KLF8: variants seen among roughly 807,000 people sequenced by gnomAD.
KLF8 encodes Krueppel-like factor 8.
A neutral mutation model predicts 18.2 loss-of-function variants in KLF8; 10 were observed. The ratio of observed to expected loss-of-function variants is 0.55; its 90% CI spans 0.34 to 0.93. The LOEUF (loss-of-function observed/expected upper bound fraction) is 0.93, where lower values mean the gene tolerates loss of function less well. KLF8 is among the 40% of genes least tolerant of loss of function. The pLI is 0.02. For synonymous variants in KLF8, 109 were observed against 97.3 expected, an observed-to-expected ratio of 1.12 and a Z score of -0.71; for missense variants, 264 against 277.9, an observed-to-expected ratio of 0.95 and a Z score of 0.36.
chrX:55,942,662 A>T, the KLF8 span, among the ~76,000 whole-genome samples: 1 of 111,492 alleles, frequency 9.0e-6, no homozygotes, highest in Non-Finnish European at 1.9e-5. Flanking sequence ...GATCGTTTCG[A>T]TTGGGTTGCA....
chrX:56,183,255 G>A, the KLF8 span, among the ~76,000 whole-genome samples: 4 of 112,092 alleles, frequency 3.6e-5, no homozygotes, highest in African/African-American at 6.5e-5. Context: ...CCGTGGGCAA[G>A]GGACACTCTA....
chrX:56,185,285 T>A, the KLF8 span, among the ~76,000 whole-genome samples: 4 of 111,007 alleles, frequency 3.6e-5, no homozygotes, highest in African/African-American at 1.3e-4. Flanking sequence ...TGATAGAAGA[T>A]GAAATGAATG....
At chrX:55,964,660 G>A in the KLF8 span, among the ~76,000 whole-genome samples, 1 of 111,432 alleles carries the variant, frequency 9.0e-6, no homozygotes, top group Middle Eastern at 4.2e-3. Context: ...TAGACTGCTA[G>A]ATAGACAAAT....
chrX:56,080,534 G>A, the KLF8 span, among the ~76,000 whole-genome samples: 1 of 111,408 alleles, frequency 9.0e-6, no homozygotes, highest in Admixed American at 9.5e-5. Context: ...AGTCTGATGG[G>A]CTTCCCTTTG....
the KLF8 span, among the ~76,000 whole-genome samples, chrX:55,980,396 T>C: frequency 1.8e-5 from 2 of 111,347 alleles, no homozygotes; most frequent in Non-Finnish European, 3.8e-5. Flanking sequence ...ACATAGGGAA[T>C]AGAGGAGGGT....
the KLF8 span, chrX:55,962,405 G>T: frequency 4.3e-6 from 1 of 234,382 alleles, no homozygotes; most frequent in South Asian, 5.8e-5. Flanking sequence ...GGTAGAAGAT[G>T]GCCACATCTC....
At chrX:56,095,344 G>T in the KLF8 span, among the ~76,000 whole-genome samples, 13 of 112,293 alleles carry the variant, frequency 1.2e-4, no homozygotes, top group African/African-American at 4.2e-4. Flanking sequence ...ATACTTAAAT[G>T]TAAGACTCAA....
At chrX:55,944,699 C>G in the KLF8 span, among the ~76,000 whole-genome samples, 1 of 110,072 alleles carries the variant, frequency 9.1e-6, no homozygotes, top group Non-Finnish European at 1.9e-5. Flanking sequence ...TTTTTTATTG[C>G]GTCTATTTGA....
At chrX:56,169,731 G>T in the KLF8 span, among the ~76,000 whole-genome samples, 1 of 111,959 alleles carries the variant, frequency 8.9e-6, no homozygotes, top group African/African-American at 3.2e-5. Context: ...CTCCTGCATG[G>T]CATCTCTGGA....
chrX:56,141,514 C>T, the KLF8 span, among the ~76,000 whole-genome samples: 163 of 110,490 alleles, frequency 1.5e-3, no homozygotes, highest in Middle Eastern at 9.5e-3. Flanking sequence ...TTTTATATGC[C>T]ACCACATTTA....
chrX:56,094,953 A>G, the KLF8 span, among the ~76,000 whole-genome samples: 1 of 111,497 alleles, frequency 9.0e-6, no homozygotes, highest in Non-Finnish European at 1.9e-5. Flanking sequence ...CAGATTTCAC[A>G]TAGTCTCCAT....
the KLF8 span, among the ~76,000 whole-genome samples, chrX:56,221,549 T>C: frequency 9.0e-6 from 1 of 111,260 alleles, no homozygotes; most frequent in African/African-American, 3.3e-5. Flanking sequence ...TTGTTCCTTC[T>C]GATGTTCGAA....
At chrX:56,173,506 G>C in the KLF8 span, among the ~76,000 whole-genome samples, 2 of 111,815 alleles carry the variant, frequency 1.8e-5, no homozygotes, top group South Asian at 3.7e-4. Flanking sequence ...CTGTAGCCTT[G>C]TAGTATAGTT....
chrX:56,147,013 C>A, the KLF8 span, among the ~76,000 whole-genome samples: 2 of 111,448 alleles, frequency 1.8e-5, no homozygotes, highest in East Asian at 5.6e-4. Context: ...TGGGAATGCC[C>A]GTAGGGAGTT....
the KLF8 span, among the ~76,000 whole-genome samples, chrX:56,213,314 CTTTTTTT>C: frequency 3.3e-4 from 4 of 12,009 alleles, no homozygotes; most frequent in South Asian, 4.7e-3. Context: ...CTTTTCTTTT[CTTTTTTT>C]TTTTTTTTTT....
the KLF8 span, among the ~76,000 whole-genome samples, chrX:56,020,833 T>C: frequency 2.7e-5 from 3 of 112,121 alleles, no homozygotes; most frequent in Admixed American, 1.9e-4. Flanking sequence ...TCTCCACTTT[T>C]ACCTATAAGT....
chrX:56,080,529 G>C, the KLF8 span, among the ~76,000 whole-genome samples: 4 of 111,564 alleles, frequency 3.6e-5, no homozygotes, highest in South Asian at 1.1e-3. Flanking sequence ...CTGTTAGTCT[G>C]ATGGGCTTCC....
chrX:56,135,823 T>A, the KLF8 span, among the ~76,000 whole-genome samples: 1 of 112,032 alleles, frequency 8.9e-6, no homozygotes, highest in East Asian at 2.8e-4. Flanking sequence ...TTGAAACCAG[T>A]GAAAACAAAT....
At chrX:56,052,913 T>G in the KLF8 span, among the ~76,000 whole-genome samples, 1 of 111,275 alleles carries the variant, frequency 9.0e-6, no homozygotes, top group African/African-American at 3.3e-5. Context: ...GCTAGCAATC[T>G]GCGAGACTCC....
Sources: allele counts gnomAD v4.1 joint callset (sites outside exome capture counted in the v4.1 genomes callset), GRCh38; gene constraint gnomAD v4.1.1; transcripts MANE v1.5; gene names NCBI Gene and HGNC (gene_info 2026-07-23, HGNC 2026-07-21).